The following GABBR2 variants were observed in gnomAD, a reference collection of about 807,000 sequenced individuals.
GABBR2 encodes G-protein coupled receptor 51.
A neutral mutation model predicts 105.6 loss-of-function variants in GABBR2; 23 were observed. The ratio of observed to expected loss-of-function variants is 0.22; its 90% confidence interval spans 0.16 to 0.31. GABBR2 has a LOEUF of 0.31. Ranked by LOEUF, GABBR2 falls within the 10% of genes least tolerant of loss-of-function variation. GABBR2 has a pLI of 1.00. For missense variants in GABBR2, 734 were observed against 1,245.5 expected (o/e 0.59, Z 6.18); for synonymous variants, 478 against 499.7 (o/e 0.96, Z 0.58).
At chr9:98,427,752 GCAGCCC>G (rs1825724314) in intron 7 of GABBR2, among the ~76,000 whole-genome samples, 2 of 139,036 alleles carry the variant, frequency 1.4e-5, no homozygotes, top group South Asian at 5.0e-4. Flanking sequence ...AGACACTCAA[GCAGCCC>G]TGTGGATTAC....
chr9:98,300,932 C>A (rs1209048111), intron 16 of GABBR2, among the ~76,000 whole-genome samples: 1 of 152,146 alleles, frequency 6.6e-6, no homozygotes, highest in African/African-American at 2.4e-5. Flanking sequence ...TGTAATGAAG[C>A]CTCCATAAAA....
At chr9:98,385,617 C>T in intron 11 of GABBR2, 23 bp downstream of exon 11, 1 of 1,607,512 alleles carries the variant, frequency 6.2e-7, no homozygotes, top group Non-Finnish European at 8.5e-7. Context: ...TCATATACCA[C>T]TGGCTTATGC....
At chr9:98,386,854 C>T (rs908976651) in intron 10 of GABBR2, among the ~76,000 whole-genome samples, 4 of 152,174 alleles carry the variant, frequency 2.6e-5, no homozygotes, top group East Asian at 3.8e-4. Context: ...AACTGCACCC[C>T]GGCTTTCAAG....
chr9:98,397,410 A>ATT (rs139850810), intron 8 of GABBR2, among the ~76,000 whole-genome samples: 4,938 of 150,940 alleles, frequency 0.033, 244 homozygotes, highest in African/African-American at 0.1. Context: ...AGATACAGAG[A>ATT]TTTTTTTTTT....
At chr9:98,412,576 G>A (rs895214502) in intron 7 of GABBR2, among the ~76,000 whole-genome samples, 15 of 152,142 alleles carry the variant, frequency 9.9e-5, no homozygotes, top group Non-Finnish European at 2.2e-4. Flanking sequence ...AGAAGCCAAA[G>A]TTTTTCTCTG....
intron 13 of GABBR2, among the ~76,000 whole-genome samples, chr9:98,327,509 A>C (rs1371576548): frequency 6.6e-6 from 1 of 152,272 alleles, no homozygotes; most frequent in East Asian, 1.9e-4. Flanking sequence ...TAATGGTCCC[A>C]TAGCCAAAGA....
At chr9:98,706,089 A>G (rs1456079995) in intron 1 of GABBR2, among the ~76,000 whole-genome samples, 1 of 87,966 alleles carries the variant, frequency 1.1e-5, no homozygotes, top group Non-Finnish European at 2.3e-5. Context: ...AAAAACAAAA[A>G]CAAAACAAAA....
intron 11 of GABBR2, among the ~76,000 whole-genome samples, chr9:98,379,223 G>C (rs530258067): frequency 9.5e-4 from 144 of 152,266 alleles, no homozygotes; most frequent in African/African-American, 3.1e-3. Context: ...GTTGCCATGG[G>C]TACCTACACC....
chr9:98,662,890 G>A (rs1460072152), intron 1 of GABBR2, among the ~76,000 whole-genome samples: 2 of 152,158 alleles, frequency 1.3e-5, no homozygotes, highest in East Asian at 3.9e-4. Context: ...TGGAAGCCCA[G>A]ACAAGGTAAC....
intron 11 of GABBR2, among the ~76,000 whole-genome samples, chr9:98,375,983 T>C (rs1831866278): frequency 6.6e-6 from 1 of 152,202 alleles, no homozygotes; most frequent in Non-Finnish European, 1.5e-5. Flanking sequence ...AAGTCTTACG[T>C]GTGTTTATTT....
chr9:98,695,070 C>T (rs1238736620), intron 1 of GABBR2, among the ~76,000 whole-genome samples: 2 of 152,252 alleles, frequency 1.3e-5, no homozygotes, highest in Non-Finnish European at 2.9e-5. Context: ...TGCCTGATAA[C>T]ATCTTCTCTG....
intron 1 of GABBR2, among the ~76,000 whole-genome samples, chr9:98,674,544 A>G (rs901260940): frequency 1.3e-5 from 2 of 152,142 alleles, no homozygotes; most frequent in African/African-American, 4.8e-5. Flanking sequence ...TGTTCCAGGC[A>G]CTGCAGGAGT....
chr9:98,334,134 G>A (rs1275016357), intron 13 of GABBR2, among the ~76,000 whole-genome samples: 2 of 152,112 alleles, frequency 1.3e-5, no homozygotes, highest in Non-Finnish European at 2.9e-5. Context: ...AGGATGAAGC[G>A]GGACTGGAAG....
intron 1 of GABBR2, among the ~76,000 whole-genome samples, chr9:98,613,339 C>A (rs1400610789): frequency 6.6e-6 from 1 of 151,884 alleles, no homozygotes; most frequent in Non-Finnish European, 1.5e-5. Flanking sequence ...AATCAGGAGG[C>A]TGAGGCACAA....
Position 98,388,617 on chromosome 9 carries a change from CTCTGTGTGTGTGTGTG to C in GABBR2, c.1529+221_1529+236del, listed in dbSNP as rs1412756434. The stretch of plus-strand genomic sequence containing the variant: ...ACTCCTGTGCAACCAGCAGCCTGGC[CTCTGTGTGTGTGTGTG>C]TGTGTGTGTGTGTGTGTGTGTGTGT... On this transcript the variant is annotated intron_variant, in intron 10 of 18. Coordinates refer to ENST00000259455, the MANE Select transcript of GABBR2 (RefSeq NM_005458.8). This position sits in a 1 kb window ranked among gnomAD's most constrained non-coding sequence, Gnocchi z 4.4. 5.2e-4 allele frequency among the ~76,000 whole-genome samples: 65 copies of C among 124,142 alleles called. 1 individual carries two copies. Among genetic ancestry groups the C allele is most frequent in the Admixed American group, 1.5e-3 (19 of 12,600 alleles). 81.4% of individuals were successfully genotyped at this position (124,142 alleles called of 152,430 possible).
chr9:98,364,850 C>T (rs1831648523), intron 12 of GABBR2, among the ~76,000 whole-genome samples: 1 of 152,136 alleles, frequency 6.6e-6, no homozygotes, highest in Non-Finnish European at 1.5e-5. Context: ...ATCCACCTGC[C>T]TCGGCCTCCC....
intron 13 of GABBR2, among the ~76,000 whole-genome samples, chr9:98,318,222 G>A (rs995452111): frequency 6.6e-6 from 1 of 152,198 alleles, no homozygotes; most frequent in Non-Finnish European, 1.5e-5. Context: ...GTCCCGGGTG[G>A]GGCCTGGGAT....
intron 11 of GABBR2, among the ~76,000 whole-genome samples, chr9:98,376,821 A>G (rs73494883): frequency 0.017 from 2,657 of 152,254 alleles, 82 homozygotes; most frequent in African/African-American, 0.06. Context: ...CAGGACCCAC[A>G]GGAGTACTTT....
rs10985909 is a variant in GABBR2, at chr9:98,341,210, G to A, written c.1893+21505C>T. Among the ~76,000 whole-genome samples the A allele has an allele frequency of 6.9e-3, 1,043 of 152,246 alleles. 11 individuals are homozygous for A. Among genetic ancestry groups the A allele is most frequent in the Non-Finnish European group, 9.5e-3 (645 of 68,028 alleles). The stretch of plus-strand genomic sequence containing the variant: ...ACACAAGATGTTCCAGAATCGCGGC[G>A]GTGGCTGGCAGAGCTATTCTGTCCA... On this transcript the variant is annotated intron_variant, in intron 13 of 18. Transcript: ENST00000259455.
Sources: allele counts gnomAD v4.1 joint callset (sites outside exome capture counted in the v4.1 genomes callset), GRCh38; gene constraint gnomAD v4.1.1; non-coding constraint Gnocchi (gnomAD v3.1); transcripts MANE v1.5; gene names NCBI Gene and HGNC (gene_info 2026-07-23, HGNC 2026-07-21).